COL25A1: variants seen among roughly 807,000 people sequenced by gnomAD.
The protein encoded by COL25A1 is collagen alpha-1(XXV) chain.
In COL25A1, 103 loss-of-function variants were observed where a neutral mutation model predicts 128.4. The observed-to-expected ratio is 0.80, with a 90% CI of 0.68 to 0.94. The LOEUF (loss-of-function observed/expected upper bound fraction) is 0.94, where lower values mean the gene tolerates loss of function less well. COL25A1 is among the 40% of genes least tolerant of loss of function. The pLI is 0.00. For missense variants in COL25A1, 745 were observed against 840.0 expected, an observed-to-expected ratio of 0.89 and a Z score of 1.40; for synonymous variants, 279 against 277.2, an observed-to-expected ratio of 1.01 and a Z score of -0.06.
chr4:109,272,423 AC>A (rs1408384928), intron 3 of COL25A1, among the ~76,000 whole-genome samples: 4 of 152,334 alleles, frequency 2.6e-5, no homozygotes, highest in Non-Finnish European at 4.4e-5. Context: ...AAGCAGGAAT[AC>A]ATGCTGGAAA....
At chr4:108,870,204 C>T (rs1198452566) in intron 19 of COL25A1, among the ~76,000 whole-genome samples, 1 of 151,946 alleles carries the variant, frequency 6.6e-6, no homozygotes, top group Non-Finnish European at 1.5e-5. Flanking sequence ...TGCAGTGAGC[C>T]GTGATGGCGC....
At chr4:109,118,222 G>A (rs1173109331) in intron 3 of COL25A1, among the ~76,000 whole-genome samples, 2 of 151,774 alleles carry the variant, frequency 1.3e-5, no homozygotes, top group Non-Finnish European at 2.9e-5. Context: ...TAGAGAAAGG[G>A]GAGATGTTGA....
rs560718715 is a variant in COL25A1, at chr4:109,251,051, C to T, written c.367+49532G>A. Reference sequence around the variant, plus strand: ...ATATCCCATAATTTAAATACTATGACGTAAAATTAATACTACTTAATACTA... The same window carrying T: ...ATATCCCATAATTTAAATACTATGATGTAAAATTAATACTACTTAATACTA... On this transcript the variant is annotated intron_variant, in intron 3 of 37. Transcript: ENST00000399132. 1.8e-4 allele frequency among the ~76,000 whole-genome samples: 28 copies of T among 152,172 alleles called. No individual in the cohort carries two copies. In the Middle Eastern group the frequency reaches 0.01, roughly 55 times the overall value.
chr4:109,107,226 T>A (rs866167907), intron 3 of COL25A1, among the ~76,000 whole-genome samples: 85 of 152,206 alleles, frequency 5.6e-4, no homozygotes, highest in Non-Finnish European at 2.6e-4. Flanking sequence ...CACCTTTTTT[T>A]ACCCTGTCTC....
At chr4:109,089,111 A>G (rs1397859819) in intron 3 of COL25A1, among the ~76,000 whole-genome samples, 2 of 152,244 alleles carry the variant, frequency 1.3e-5, no homozygotes, top group Non-Finnish European at 2.9e-5. Flanking sequence ...ATTTGGAAAG[A>G]GTAGTTCAAG....
intron 3 of COL25A1, among the ~76,000 whole-genome samples, chr4:109,096,751 A>C (rs999792535): frequency 6.6e-6 from 1 of 152,250 alleles, no homozygotes; most frequent in African/African-American, 2.4e-5. Context: ...ATAATAAATC[A>C]ACCAAAAAAC....
intron 5 of COL25A1, among the ~76,000 whole-genome samples, chr4:109,044,150 G>C (rs3096473): frequency 0.5 from 76,102 of 151,324 alleles, 21,179 homozygotes; most frequent in African/African-American, 0.73. Flanking sequence ...TCTCAAAATA[G>C]ATAAGGCTGA....
rs112469174 is a variant in COL25A1, at chr4:109,049,815, C to T, written c.412+320G>A. 4.7e-3 allele frequency among the ~76,000 whole-genome samples: 717 copies of T among 152,194 alleles called. 1 individual carries two copies. The highest frequency in any genetic ancestry group is 8.5e-3 in the Non-Finnish European group (579 of 68,010). ...GGAAACGTGGGTGATGCTATCACAC[C>T]GTGTGCAGCTGAGAAACACGCCATT... is the stretch of plus-strand genomic sequence containing the variant. On this transcript the variant is annotated intron_variant, in intron 4 of 37. Coordinates refer to ENST00000399132, the MANE Select transcript of COL25A1 (RefSeq NM_198721.4).
intron 3 of COL25A1, among the ~76,000 whole-genome samples, chr4:109,076,392 A>C (rs1431140692): frequency 3.3e-5 from 5 of 152,186 alleles, no homozygotes; most frequent in Admixed American, 3.3e-4. Context: ...TAGCTTATTA[A>C]TGTATTAATC....
intron 19 of COL25A1, among the ~76,000 whole-genome samples, chr4:108,881,748 G>T (rs961243903): frequency 2.6e-5 from 4 of 152,156 alleles, no homozygotes; most frequent in Non-Finnish European, 5.9e-5. Flanking sequence ...TAGTTGTGAC[G>T]TATCTTTAAA....
At chr4:108,904,083 G>GT (rs1194894075) in intron 13 of COL25A1, among the ~76,000 whole-genome samples, 2 of 152,050 alleles carry the variant, frequency 1.3e-5, no homozygotes, top group African/African-American at 4.8e-5. Flanking sequence ...TCCACACTTA[G>GT]TTTCCCAGGT....
chr4:109,260,471 T>C (rs1781367703), intron 3 of COL25A1, among the ~76,000 whole-genome samples: 1 of 152,136 alleles, frequency 6.6e-6, no homozygotes, highest in Non-Finnish European at 1.5e-5. Flanking sequence ...TACTGTTTGT[T>C]TGGGATTTGT....
chr4:109,011,892 T>C (rs1331246171), intron 5 of COL25A1, among the ~76,000 whole-genome samples: 1 of 152,222 alleles, frequency 6.6e-6, no homozygotes, highest in African/African-American at 2.4e-5. Flanking sequence ...CTAGGACCAG[T>C]AGGCATTCCT....
intron 3 of COL25A1, among the ~76,000 whole-genome samples, chr4:109,247,183 G>A (rs1354495762): frequency 6.6e-6 from 1 of 152,144 alleles, no homozygotes; most frequent in Non-Finnish European, 1.5e-5. Context: ...GGCCAACATG[G>A]TAAAACCCCA....
chr4:109,236,919 G>T (rs1779515787), intron 3 of COL25A1, among the ~76,000 whole-genome samples: 1 of 151,594 alleles, frequency 6.6e-6, no homozygotes, highest in Admixed American at 6.6e-5. Flanking sequence ...TTGTTTAAGT[G>T]TACAAAAAAA....
intron 6 of COL25A1, among the ~76,000 whole-genome samples, chr4:108,988,668 C>T (rs367589492): frequency 6.6e-6 from 1 of 152,212 alleles, no homozygotes; most frequent in Non-Finnish European, 1.5e-5. Flanking sequence ...TTACTCCCCC[C>T]ACATTTTCAA....
chr4:108,895,288 T>C (rs901170486), intron 16 of COL25A1, among the ~76,000 whole-genome samples: 3 of 152,200 alleles, frequency 2.0e-5, no homozygotes, highest in Admixed American at 2.0e-4. Flanking sequence ...ATTTTCAAAG[T>C]GGAATAGTCT....
At chr4:108,821,908 T>C (rs573246148) in intron 35 of COL25A1, among the ~76,000 whole-genome samples, 3 of 152,274 alleles carry the variant, frequency 2.0e-5, no homozygotes, top group African/African-American at 7.2e-5. Context: ...CTTCTAATCA[T>C]GGAAGCTGAA....
intron 3 of COL25A1, among the ~76,000 whole-genome samples, chr4:109,195,437 T>C (rs1053467909): frequency 6.6e-6 from 1 of 152,238 alleles, no homozygotes; most frequent in African/African-American, 2.4e-5. Context: ...ATCTTAATGT[T>C]CTGTTCATTT....
Sources: allele counts gnomAD v4.1 joint callset (sites outside exome capture counted in the v4.1 genomes callset), GRCh38; gene constraint gnomAD v4.1.1; transcripts MANE v1.5; gene names NCBI Gene and HGNC (gene_info 2026-07-23, HGNC 2026-07-21).